Variants in ANKRD44 observed in about 807,000 individuals in gnomAD.
The protein encoded by ANKRD44 is ankyrin repeat domain 44, also known as serine/threonine-protein phosphatase 6 regulatory ankyrin repeat subunit B.
Under a neutral mutation model 116.0 loss-of-function variants are expected in ANKRD44, and 35 were observed. The observed-to-expected ratio is 0.30, with a 90% confidence interval of 0.23 to 0.40. The LOEUF (loss-of-function observed/expected upper bound fraction) is 0.40, where lower values mean the gene tolerates loss of function less well. Ranked by LOEUF, ANKRD44 falls within the 10% of genes least tolerant of loss-of-function variation. ANKRD44 has a pLI of 1.00. For synonymous variants in ANKRD44, 435 were observed against 461.8 expected, an observed-to-expected ratio of 0.94 and a Z score of 0.74; for missense variants, 1,014 against 1,242.6, an observed-to-expected ratio of 0.82 and a Z score of 2.77.
chr2:197,130,912 A>G (rs2125363982), intron 4 of ANKRD44, among the ~76,000 whole-genome samples: 1 of 152,328 alleles, frequency 6.6e-6, no homozygotes, highest in Non-Finnish European at 1.5e-5. Context: ...ACAGAAGCCA[A>G]AAATAGATGT....
intron 21 of ANKRD44, among the ~76,000 whole-genome samples, chr2:196,974,573 C>T (rs2075743151): frequency 6.6e-6 from 1 of 152,014 alleles, no homozygotes; most frequent in African/African-American, 2.4e-5. Context: ...TATTAAGATT[C>T]AATAACCTAA....
chr2:197,069,235 T>C (rs1268156294), intron 16 of ANKRD44, among the ~76,000 whole-genome samples: 2 of 149,762 alleles, frequency 1.3e-5, no homozygotes, highest in African/African-American at 2.5e-5. Context: ...CACTCATAGG[T>C]GGGAATTGAA....
intron 1 of ANKRD44, among the ~76,000 whole-genome samples, chr2:197,246,057 G>A (rs566548100): frequency 4.4e-4 from 67 of 152,328 alleles, no homozygotes; most frequent in African/African-American, 1.5e-3. Context: ...ATGGCCACAT[G>A]AGTCCTGATG....
At chr2:197,215,677 T>C (rs561634603) in intron 1 of ANKRD44, among the ~76,000 whole-genome samples, 5 of 152,330 alleles carry the variant, frequency 3.3e-5, no homozygotes, top group African/African-American at 1.2e-4. Flanking sequence ...AAAAAAACTA[T>C]CTGGCTCTTT....
At chr2:197,038,363 C>A (rs892437553) in intron 16 of ANKRD44, among the ~76,000 whole-genome samples, 2 of 152,136 alleles carry the variant, frequency 1.3e-5, no homozygotes, top group Non-Finnish European at 2.9e-5. Flanking sequence ...AAAACACCAA[C>A]CAACCAATCA....
chr2:197,013,452 T>G, intron 18 of ANKRD44, 59 bp downstream of exon 18: 1 of 1,544,270 alleles, frequency 6.5e-7, no homozygotes, highest in Non-Finnish European at 8.9e-7. Flanking sequence ...GCTTTCCTTC[T>G]ATTAAAACTT....
intron 1 of ANKRD44, among the ~76,000 whole-genome samples, chr2:197,191,143 T>G (rs1343766251): frequency 6.6e-6 from 1 of 152,222 alleles, no homozygotes; most frequent in Non-Finnish European, 1.5e-5. Flanking sequence ...GCAAAATGAT[T>G]GTCAGTGCTG....
chr2:197,248,140 C>T (rs56916369), intron 1 of ANKRD44, among the ~76,000 whole-genome samples: 4,855 of 152,270 alleles, frequency 0.032, 285 homozygotes, highest in African/African-American at 0.11. Context: ...GAGTGCAAAA[C>T]GCAATTATCT....
intron 1 of ANKRD44, among the ~76,000 whole-genome samples, chr2:197,200,938 T>G (rs539291313): frequency 1.6e-4 from 24 of 152,246 alleles, no homozygotes; most frequent in Non-Finnish European, 3.5e-4. Context: ...AGTTTTAAAT[T>G]TTATCAATTG....
chr2:197,266,646 G>A (rs571146307), intron 1 of ANKRD44, among the ~76,000 whole-genome samples: 10 of 151,022 alleles, frequency 6.6e-5, no homozygotes, highest in African/African-American at 2.2e-4. Flanking sequence ...ACTAAACTCT[G>A]TATAACCTCA....
intron 1 of ANKRD44, among the ~76,000 whole-genome samples, chr2:197,202,649 T>G (rs966065891): frequency 6.6e-6 from 1 of 152,122 alleles, no homozygotes; most frequent in African/African-American, 2.4e-5. Context: ...CACAGTTCAC[T>G]GCAAGCTCGA....
chr2:197,061,684 A>G (rs1177194567), intron 16 of ANKRD44, among the ~76,000 whole-genome samples: 2 of 152,132 alleles, frequency 1.3e-5, no homozygotes. Context: ...TTATTGCCCT[A>G]TGGAGAACTA....
chr2:197,300,960 C>T (rs1167630845), intron 1 of ANKRD44: 1 of 152,026 alleles, frequency 6.6e-6, no homozygotes, highest in Non-Finnish European at 1.5e-5. Flanking sequence ...AATGGGGTTT[C>T]ACCATCTCTA....
intron 1 of ANKRD44, among the ~76,000 whole-genome samples, chr2:197,216,126 A>G (rs2081437110): frequency 6.6e-6 from 1 of 152,294 alleles, no homozygotes; most frequent in African/African-American, 2.4e-5. Flanking sequence ...CCTCTTCTGG[A>G]GGCTTGTGAG....
chr2:197,000,170 T>A (rs1432257036), intron 23 of ANKRD44, among the ~76,000 whole-genome samples: 3 of 152,130 alleles, frequency 2.0e-5, no homozygotes, highest in Non-Finnish European at 2.9e-5. Flanking sequence ...TGTTTGTAGA[T>A]ATGCATAAAA....
intron 1 of ANKRD44, among the ~76,000 whole-genome samples, 184 bp downstream of exon 1, chr2:197,310,394 G>T (rs922000608): frequency 1.4e-5 from 2 of 147,496 alleles, no homozygotes; most frequent in East Asian, 4.0e-4. Context: ...CCAGGGCGGG[G>T]ACGGCGCGGC....
At chr2:197,125,197 G>A (rs1030281642) in intron 6 of ANKRD44, among the ~76,000 whole-genome samples, 184 bp downstream of exon 6, 8 of 152,154 alleles carry the variant, frequency 5.3e-5, no homozygotes, top group African/African-American at 1.9e-4. Flanking sequence ...ATAAATATCT[G>A]ACAAAGCAAC....
chr2:197,279,284 C>T (rs1417907023), intron 1 of ANKRD44, among the ~76,000 whole-genome samples: 6 of 152,134 alleles, frequency 3.9e-5, no homozygotes, highest in African/African-American at 1.4e-4. Context: ...TACAATAAAA[C>T]GTCATTTGTC....
chr2:197,271,490 A>C (rs76041634), intron 1 of ANKRD44, among the ~76,000 whole-genome samples: 6,114 of 152,324 alleles, frequency 0.04, 206 homozygotes, highest in Admixed American at 0.11. Flanking sequence ...AGTCTAAGCT[A>C]TTGTGCTATA....
Sources: allele counts gnomAD v4.1 joint callset (sites outside exome capture counted in the v4.1 genomes callset), GRCh38; gene constraint gnomAD v4.1.1; transcripts MANE v1.5; gene names NCBI Gene and HGNC (gene_info 2026-07-23, HGNC 2026-07-21).